CACNA2D3: variants seen among roughly 807,000 people sequenced by gnomAD.
CACNA2D3 encodes the protein calcium voltage-gated channel auxiliary subunit alpha2delta 3, also known as voltage-dependent calcium channel subunit alpha-2/delta-3.
In CACNA2D3, 60 loss-of-function variants were observed where a neutral mutation model predicts 160.6. The observed-to-expected ratio is 0.37, with a 90% CI of 0.30 to 0.46. The LOEUF is 0.46. Ranked by LOEUF, CACNA2D3 falls within the 20% of genes least tolerant of loss-of-function variation. The pLI is 1.00. For missense variants in CACNA2D3, 1,205 were observed against 1,365.0 expected (o/e 0.88, Z 1.85); for synonymous variants, 558 against 492.9 (o/e 1.13, Z -1.75).
At chr3:54,970,939 C>A (rs1041759984) in intron 29 of CACNA2D3, among the ~76,000 whole-genome samples, 14 of 151,954 alleles carry the variant, frequency 9.2e-5, no homozygotes, top group African/African-American at 3.1e-4. Flanking sequence ...CCTAACCAAA[C>A]AATTTCAACC....
intron 3 of CACNA2D3, among the ~76,000 whole-genome samples, chr3:54,375,339 G>A (rs1260629782): frequency 6.6e-6 from 1 of 152,182 alleles, no homozygotes; most frequent in African/African-American, 2.4e-5. Context: ...CTGGCACCCA[G>A]TAGGGTGAGT....
chr3:54,161,582 T>G (rs1298459579), intron 2 of CACNA2D3, among the ~76,000 whole-genome samples: 2 of 152,222 alleles, frequency 1.3e-5, no homozygotes, highest in African/African-American at 4.8e-5. Flanking sequence ...GAAGAGTTGT[T>G]GATGACAAAG....
chr3:54,198,235 C>T (rs1239299565), intron 2 of CACNA2D3, among the ~76,000 whole-genome samples: 1 of 152,206 alleles, frequency 6.6e-6, no homozygotes. Context: ...CTCCTTGTGG[C>T]TCTGCCTATC....
intron 2 of CACNA2D3, among the ~76,000 whole-genome samples, chr3:54,215,440 C>G (rs113998962): frequency 1.3e-5 from 2 of 152,248 alleles, no homozygotes; most frequent in South Asian, 4.1e-4. Context: ...AGAATGTGTT[C>G]GTCGTAACTG....
At chr3:55,038,322 G>T (rs980200663) in intron 35 of CACNA2D3, among the ~76,000 whole-genome samples, 5 of 152,072 alleles carry the variant, frequency 3.3e-5, no homozygotes, top group African/African-American at 1.2e-4. Context: ...CGCAGGAGAC[G>T]CATTTTTCCA....
intron 13 of CACNA2D3, among the ~76,000 whole-genome samples, chr3:54,807,204 G>A (rs1429470218): frequency 1.3e-5 from 2 of 152,172 alleles, no homozygotes; most frequent in Admixed American, 1.3e-4. Flanking sequence ...ATTGACAAAT[G>A]GGATCTAACT....
chr3:54,578,028 T>C (rs897918097), intron 8 of CACNA2D3, among the ~76,000 whole-genome samples: 3 of 152,218 alleles, frequency 2.0e-5, no homozygotes, highest in Non-Finnish European at 4.4e-5. Flanking sequence ...TGGGCTGGAC[T>C]GGACCCATTT....
At chr3:54,628,839 G>A (rs495532) in intron 10 of CACNA2D3, among the ~76,000 whole-genome samples, 68,883 of 151,116 alleles carry the variant, frequency 0.46, 16,342 homozygotes, top group Non-Finnish European at 0.52. Context: ...CATCAGCGCC[G>A]AGTCACTGTG....
intron 2 of CACNA2D3, among the ~76,000 whole-genome samples, chr3:54,222,016 C>A (rs931530862): frequency 6.6e-6 from 1 of 152,020 alleles, no homozygotes; most frequent in Non-Finnish European, 1.5e-5. Flanking sequence ...ACCTGGCCCT[C>A]AATATTTTTG....
intron 2 of CACNA2D3, among the ~76,000 whole-genome samples, chr3:54,165,114 A>AT (rs397961895): frequency 0.025 from 2,982 of 117,788 alleles, 103 homozygotes; most frequent in Admixed American, 0.033. Context: ...TCTGAATCTC[A>AT]TTTTTTTTTT....
intron 25 of CACNA2D3, among the ~76,000 whole-genome samples, chr3:54,894,336 A>C (rs776351791): frequency 4.6e-5 from 7 of 152,156 alleles, no homozygotes; most frequent in Non-Finnish European, 8.8e-5. Flanking sequence ...ACCAGGGCTA[A>C]TGGGGATCAA....
intron 27 of CACNA2D3, chr3:54,924,797 T>G: frequency 6.2e-7 from 1 of 1,614,052 alleles, no homozygotes; most frequent in South Asian, 1.1e-5. Flanking sequence ...CCCAAGTCTC[T>G]CCCAAGGATG....
At chr3:54,829,605 C>G (rs925512611) in intron 14 of CACNA2D3, among the ~76,000 whole-genome samples, 3 of 152,158 alleles carry the variant, frequency 2.0e-5, no homozygotes, top group African/African-American at 4.8e-5. Flanking sequence ...TGTTGTCTTC[C>G]TCTCTCCTTG....
chr3:54,918,645 A>G (rs1700737421), intron 27 of CACNA2D3: 6 of 1,614,092 alleles, frequency 3.7e-6, no homozygotes, highest in Non-Finnish European at 1.7e-6. Context: ...TGGCAATGGC[A>G]TGACGCAGGT....
rs1252387595 is a variant in CACNA2D3, at chr3:54,858,207, G to A, written c.1626+11740G>A. 1.1e-4 allele frequency among the ~76,000 whole-genome samples: 16 copies of A among 152,162 alleles called. No individual in the cohort carries two copies. In the South Asian group the frequency reaches 3.3e-3, roughly 32 times the overall value. The stretch of plus-strand genomic sequence containing the variant: ...GATTTGTCTGCACCTCCTTCCCCTT[G>A]TGGGGGAAATGAGCCTCAGCTGCCA... On this transcript the variant is annotated intron_variant, in intron 17 of 37. Coordinates refer to ENST00000474759, the MANE Select transcript of CACNA2D3 (RefSeq NM_018398.3).
chr3:55,007,482 C>T (rs1703122970), intron 32 of CACNA2D3, among the ~76,000 whole-genome samples: 1 of 152,128 alleles, frequency 6.6e-6, no homozygotes, highest in Non-Finnish European at 1.5e-5. Context: ...AATATTAGCC[C>T]CTAGAGGGTA....
chr3:54,216,936 A>G (rs952915611), intron 2 of CACNA2D3, among the ~76,000 whole-genome samples: 1 of 152,136 alleles, frequency 6.6e-6, no homozygotes, highest in African/African-American at 2.4e-5. Context: ...GGAGATAAAG[A>G]AGAACTAAGT....
At chr3:54,632,076 C>T (rs1235351392) in intron 10 of CACNA2D3, 7 of 152,120 alleles carry the variant, frequency 4.6e-5, no homozygotes, top group Non-Finnish European at 8.8e-5. Flanking sequence ...TCATCACTCT[C>T]GCTATTCAAT....
intron 16 of CACNA2D3, among the ~76,000 whole-genome samples, chr3:54,844,357 A>G (rs1559602303): frequency 6.6e-6 from 1 of 152,146 alleles, no homozygotes; most frequent in Admixed American, 6.5e-5. Context: ...CAAAGGCAGA[A>G]TGCAGTGGGT....
Sources: gnomAD v4.1 joint callset for allele counts (sites outside exome capture counted in the v4.1 genomes callset) on GRCh38, gnomAD v4.1.1 for gene constraint, MANE v1.5 for transcripts, NCBI Gene and HGNC (gene_info 2026-07-23, HGNC 2026-07-21) for gene names.